TRDN: variants seen among roughly 807,000 people sequenced by gnomAD.
The protein encoded by TRDN is triadin.
TRDN carries 161 observed loss-of-function variants against 149.7 expected under a neutral mutation model. That is an observed-to-expected ratio of 1.08 (90% CI 0.95 to 1.23). TRDN has a LOEUF of 1.23. TRDN is among the 50% of genes most tolerant of loss of function. The pLI, the probability that TRDN is intolerant of heterozygous loss-of-function variation, is 0.00. For missense variants in TRDN, 896 were observed against 823.5 expected (o/e 1.09, Z -1.08); for synonymous variants, 294 against 250.5 (o/e 1.17, Z -1.64).
intron 20 of TRDN, among the ~76,000 whole-genome samples, chr6:123,356,088 T>C (rs555303366): frequency 4.6e-5 from 7 of 151,786 alleles, no homozygotes; most frequent in Non-Finnish European, 8.9e-5. Context: ...TATTTCTTAC[T>C]TCTCTATTTG....
At chr6:123,491,401 A>C (rs1778212247) in intron 9 of TRDN, among the ~76,000 whole-genome samples, 1 of 152,134 alleles carries the variant, frequency 6.6e-6, no homozygotes, top group Non-Finnish European at 1.5e-5. Context: ...TTCTGAAGAT[A>C]TTTCCCATTT....
intron 26 of TRDN, among the ~76,000 whole-genome samples, chr6:123,275,888 T>C (rs1168116409): frequency 6.6e-6 from 1 of 152,164 alleles, no homozygotes; most frequent in Non-Finnish European, 1.5e-5. Flanking sequence ...GTAATTTACA[T>C]AGAACAGAAA....
intron 32 of TRDN, among the ~76,000 whole-genome samples, chr6:123,265,915 A>C (rs1207509024): frequency 6.8e-6 from 1 of 147,056 alleles, no homozygotes; most frequent in Non-Finnish European, 1.5e-5. Context: ...ATATTAACTA[A>C]AAACGTTAAC....
intron 1 of TRDN, among the ~76,000 whole-genome samples, chr6:123,601,451 C>T (rs1299043635): frequency 4.6e-5 from 7 of 152,220 alleles, no homozygotes; most frequent in African/African-American, 1.7e-4. Context: ...CATTGAATAG[C>T]AGGTTTCATC....
chr6:123,524,674 A>C (rs1779859416), intron 5 of TRDN, among the ~76,000 whole-genome samples: 1 of 152,138 alleles, frequency 6.6e-6, no homozygotes, highest in African/African-American at 2.4e-5. Context: ...AAAAGAACTC[A>C]TCTTGCTGCC....
chr6:123,504,193 A>G (rs1423098633), intron 7 of TRDN, among the ~76,000 whole-genome samples: 2 of 152,030 alleles, frequency 1.3e-5, no homozygotes, highest in African/African-American at 4.8e-5. Context: ...TTAAGGCAAT[A>G]GTAACTTAGC....
rs987118907 is a variant in TRDN, at chr6:123,271,120, T to A, written c.1720+19A>T. On this transcript the variant is annotated intron_variant, in intron 30 of 40. Transcript: ENST00000334268. ...ACATATAATGAGACATAGAAAAAAA[T>A]ATAAAATACCTTATTTACCTGTTTT... 1.3e-6 allele frequency: 2 copies of A among 1,489,600 alleles called. No individual in the cohort carries two copies. Among genetic ancestry groups the A allele is most frequent in the Non-Finnish European group, 1.8e-6 (2 of 1,108,100 alleles). The allele number at this position is 1,489,600 out of a possible 1,614,324, so 92.3% of individuals were successfully genotyped here.
chr6:123,230,426 T>C (rs1180401424), intron 38 of TRDN, among the ~76,000 whole-genome samples: 1 of 151,822 alleles, frequency 6.6e-6, no homozygotes, highest in Non-Finnish European at 1.5e-5. Flanking sequence ...TTAGGAGATA[T>C]GCCTAATGTA....
rs140030451 is a variant in TRDN, at chr6:123,584,980, G to C, written c.23-13848C>G. 6.9e-3 allele frequency among the ~76,000 whole-genome samples: 1,046 copies of C among 152,186 alleles called. 23 individuals are homozygous for C. The highest frequency in any genetic ancestry group is 5.6e-3 in the Non-Finnish European group (378 of 68,020). On this transcript the variant is annotated intron_variant, in intron 1 of 40. Transcript: ENST00000334268. Reference sequence around the variant, plus strand: ...TTTATAGGCTTTAAATGGCCATGCTGTAGCAGGCAAGTGATAACAGGCTTT... The same window carrying C: ...TTTATAGGCTTTAAATGGCCATGCTCTAGCAGGCAAGTGATAACAGGCTTT...
At chr6:123,446,743 A>G (rs922718631) in intron 10 of TRDN, among the ~76,000 whole-genome samples, 2 of 152,144 alleles carry the variant, frequency 1.3e-5, no homozygotes, top group African/African-American at 4.8e-5. Flanking sequence ...TGTGAGTAAC[A>G]TAGGAAGCCA....
chr6:123,279,692 T>C (rs1194037644), intron 24 of TRDN, among the ~76,000 whole-genome samples: 3 of 152,162 alleles, frequency 2.0e-5, no homozygotes, highest in African/African-American at 7.2e-5. Flanking sequence ...GATTAGTCTC[T>C]CTGGTCACCA....
At chr6:123,225,492 C>T (rs1775319541) in intron 38 of TRDN, among the ~76,000 whole-genome samples, 3 of 149,996 alleles carry the variant, frequency 2.0e-5, no homozygotes, top group Non-Finnish European at 4.5e-5. Context: ...GAGAGTAGAT[C>T]TTAAATGTTC....
intron 20 of TRDN, among the ~76,000 whole-genome samples, chr6:123,353,796 C>A (rs1264618028): frequency 6.6e-6 from 1 of 151,508 alleles, no homozygotes; most frequent in African/African-American, 2.4e-5. Flanking sequence ...TATTATTTTA[C>A]CCAATTATGA....
chr6:123,616,669 T>G (rs1404877479), intron 1 of TRDN, among the ~76,000 whole-genome samples: 1 of 152,204 alleles, frequency 6.6e-6, no homozygotes, highest in African/African-American at 2.4e-5. Flanking sequence ...CAAAGGTATG[T>G]CTACATTCTG....
At chr6:123,282,219 C>G (rs75917494) in intron 24 of TRDN, among the ~76,000 whole-genome samples, 2 of 151,710 alleles carry the variant, frequency 1.3e-5, no homozygotes, top group Non-Finnish European at 2.9e-5. Flanking sequence ...CTACAATGAA[C>G]TATATATAGT....
chr6:123,351,278 A>T, intron 21 of TRDN: 1 of 957,254 alleles, frequency 1.0e-6, no homozygotes, highest in Non-Finnish European at 1.2e-6. Flanking sequence ...CCTTTCACAT[A>T]TGTTTTCATG....
intron 8 of TRDN, chr6:123,502,693 A>C: frequency 2.0e-6 from 2 of 984,016 alleles, no homozygotes; most frequent in Non-Finnish European, 2.4e-6. Flanking sequence ...TCTGTAATAA[A>C]ATTGTAAGAT....
intron 9 of TRDN, among the ~76,000 whole-genome samples, chr6:123,496,002 CTA>C (rs1778427506): frequency 6.8e-6 from 1 of 148,122 alleles, no homozygotes; most frequent in Non-Finnish European, 1.5e-5. Context: ...TCCAATTATG[CTA>C]TGATACTATA....
intron 32 of TRDN, 31 bp downstream of exon 32, chr6:123,267,676 G>A (rs1280199181): frequency 1.3e-5 from 19 of 1,460,020 alleles, no homozygotes; most frequent in Non-Finnish European, 1.7e-5. Flanking sequence ...GTGAACATAA[G>A]ACAGAATATA....
Sources: allele counts gnomAD v4.1 joint callset (sites outside exome capture counted in the v4.1 genomes callset), GRCh38; gene constraint gnomAD v4.1.1; transcripts MANE v1.5; gene names NCBI Gene and HGNC (gene_info 2026-07-23, HGNC 2026-07-21).